Variants in RSU1 observed in about 807,000 individuals in gnomAD.
RSU1 encodes the protein Ras suppressor protein 1.
A neutral mutation model predicts 31.1 loss-of-function variants in RSU1; 26 were observed. The ratio of observed to expected loss-of-function variants is 0.84; its 90% CI spans 0.61 to 1.16. The LOEUF is 1.16. Among genes scored for constraint, RSU1 ranks in the 50% most tolerant of loss-of-function variants. The pLI is 0.00. For synonymous variants in RSU1, 164 were observed against 136.3 expected, an observed-to-expected ratio of 1.20 and a Z score of -1.41; for missense variants, 320 against 339.1, an observed-to-expected ratio of 0.94 and a Z score of 0.44.
chr10:16,676,500 G>A (rs1463789160), intron 8 of RSU1, among the ~76,000 whole-genome samples: 1 of 152,172 alleles, frequency 6.6e-6, no homozygotes, highest in Non-Finnish European at 1.5e-5. Context: ...GGGGATTATG[G>A]AAGCTACAAT....
At chr10:16,643,589 T>C (rs998097230) in intron 8 of RSU1, among the ~76,000 whole-genome samples, 1 of 152,150 alleles carries the variant, frequency 6.6e-6, no homozygotes, top group Non-Finnish European at 1.5e-5. Flanking sequence ...TCACATAACA[T>C]AAAGTGAGCA....
chr10:16,783,879 T>A (rs1837713155), intron 2 of RSU1, among the ~76,000 whole-genome samples: 1 of 152,132 alleles, frequency 6.6e-6, no homozygotes, highest in Non-Finnish European at 1.5e-5. Flanking sequence ...GACCATCTAA[T>A]CCTAGCCCCC....
At chr10:16,731,292 C>CG (rs897010426) in intron 7 of RSU1, among the ~76,000 whole-genome samples, 2 of 151,546 alleles carry the variant, frequency 1.3e-5, no homozygotes, top group Non-Finnish European at 2.9e-5. Context: ...TAGCCGGGCG[C>CG]GGGGGTGGGC....
chr10:16,615,805 A>C (rs1833965663), intron 8 of RSU1, among the ~76,000 whole-genome samples: 1 of 152,344 alleles, frequency 6.6e-6, no homozygotes, highest in East Asian at 1.9e-4. Context: ...AGGCAGAAAA[A>C]AGTAAGTTCT....
chr10:16,796,792 C>T (rs1448417165), intron 2 of RSU1, among the ~76,000 whole-genome samples: 1 of 152,090 alleles, frequency 6.6e-6, no homozygotes, highest in African/African-American at 2.4e-5. Flanking sequence ...AATAGAGAAA[C>T]TAGGCAGCAA....
At chr10:16,730,392 G>A (rs557436659) in intron 7 of RSU1, among the ~76,000 whole-genome samples, 1 of 152,254 alleles carries the variant, frequency 6.6e-6, no homozygotes, top group African/African-American at 2.4e-5. Context: ...ACCACCATGT[G>A]AACAAACCCA....
In RSU1 at chr10:16,733,553, G is replaced by A. The variant is rs535665275; in HGVS notation, c.598+18986C>T. On this transcript the variant is annotated intron_variant, in intron 7 of 8. Coordinates refer to ENST00000345264, the MANE Select transcript of RSU1 (RefSeq NM_012425.4). The stretch of plus-strand genomic sequence containing the variant: ...AACAGAAAACCCAATGTTATTCAAA[G>A]TGGTGTTTGCTATAGTTCAAGTAGT... 2.0e-5 allele frequency among the ~76,000 whole-genome samples: 3 copies of A among 152,096 alleles called. No individual in the cohort carries two copies. The South Asian group carries it at 6.2e-4, about 32-fold the overall frequency.
intron 2 of RSU1, among the ~76,000 whole-genome samples, chr10:16,815,372 C>A (rs1170218720): frequency 6.6e-6 from 1 of 152,194 alleles, no homozygotes; most frequent in Non-Finnish European, 1.5e-5. Context: ...CTGTCCCAGG[C>A]AGGTTTTCGA....
chr10:16,711,894 C>G (rs1215274013), intron 7 of RSU1, among the ~76,000 whole-genome samples: 1 of 152,124 alleles, frequency 6.6e-6, no homozygotes, highest in African/African-American at 2.4e-5. Flanking sequence ...CTGCTAGGTG[C>G]ATTAGGTCTT....
At position 16,645,876 on chromosome 10, in the gene RSU1, A is replaced by G. The variant is rs887020799; in HGVS notation, c.731+49147T>C. Among the ~76,000 whole-genome samples, 252 of 110,208 alleles carry G rather than the reference A, an allele frequency of 2.3e-3. 65 individuals carry two copies. The highest frequency in any genetic ancestry group is 0.012 in the African/African-American group (243 of 20,250). The allele number at this position is 110,208 out of a possible 152,430, so 72.3% of individuals were successfully genotyped here. A position where few individuals can be genotyped will look rare whatever the true frequency, so the allele number is the denominator to read the frequency against. ...AAAATATATACGTATATATACATAT[A>G]TGTGTATATACATATATGTATATAC... On this transcript the variant is annotated intron_variant, in intron 8 of 8. Transcript: ENST00000345264.
At chr10:16,715,833 C>CA (rs1220105593) in intron 7 of RSU1, among the ~76,000 whole-genome samples, 1 of 152,064 alleles carries the variant, frequency 6.6e-6, no homozygotes, top group Non-Finnish European at 1.5e-5. Context: ...TCTATTTCTG[C>CA]AAAAAACATC....
At chr10:16,801,235 T>C (rs1307159928) in intron 2 of RSU1, among the ~76,000 whole-genome samples, 1 of 152,002 alleles carries the variant, frequency 6.6e-6, no homozygotes, top group Non-Finnish European at 1.5e-5. Flanking sequence ...AAAGCTGCAG[T>C]AGTCATGTTA....
At chr10:16,731,650 T>C (rs1246065077) in intron 7 of RSU1, among the ~76,000 whole-genome samples, 8 of 152,200 alleles carry the variant, frequency 5.3e-5, no homozygotes, top group Admixed American at 5.2e-4. Flanking sequence ...ACCAAACCTT[T>C]ACTATCACTT....
intron 8 of RSU1, among the ~76,000 whole-genome samples, chr10:16,662,974 TAA>T (rs56281639): frequency 6.5e-5 from 9 of 138,890 alleles, no homozygotes; most frequent in South Asian, 2.3e-4. Flanking sequence ...CAGCAATCTT[TAA>T]AAAAAAAAAA....
intron 2 of RSU1, among the ~76,000 whole-genome samples, chr10:16,782,367 C>A (rs1420140716): frequency 6.6e-6 from 1 of 152,212 alleles, no homozygotes; most frequent in Non-Finnish European, 1.5e-5. Flanking sequence ...CTGCGTGGCG[C>A]CCCGACCTGC....
intron 7 of RSU1, among the ~76,000 whole-genome samples, chr10:16,713,479 T>C (rs74125841): frequency 6.6e-6 from 1 of 152,224 alleles, no homozygotes; most frequent in African/African-American, 2.4e-5. Context: ...AGTCTGTTGT[T>C]GAAGCTTTCA....
chr10:16,746,210 A>G (rs1328547478), intron 7 of RSU1, among the ~76,000 whole-genome samples: 3 of 152,212 alleles, frequency 2.0e-5, no homozygotes, highest in Non-Finnish European at 2.9e-5. Flanking sequence ...TATGCTTCTC[A>G]TAGTTACTGT....
At chr10:16,697,286 A>C (rs540073951) in intron 7 of RSU1, among the ~76,000 whole-genome samples, 2 of 152,332 alleles carry the variant, frequency 1.3e-5, no homozygotes, top group East Asian at 3.9e-4. Flanking sequence ...TGTCATCTTC[A>C]TGCCTCTAAT....
chr10:16,637,379 G>C (rs1004280167), intron 8 of RSU1, among the ~76,000 whole-genome samples: 1 of 152,136 alleles, frequency 6.6e-6, no homozygotes, highest in Non-Finnish European at 1.5e-5. Context: ...CGGGGAATCT[G>C]CAGTGAACTT....
Sources: gnomAD v4.1 joint callset for allele counts (sites outside exome capture counted in the v4.1 genomes callset) on GRCh38, gnomAD v4.1.1 for gene constraint, MANE v1.5 for transcripts, NCBI Gene and HGNC (gene_info 2026-07-23, HGNC 2026-07-21) for gene names.